The following ADIG variants were observed in gnomAD, a reference collection of about 807,000 sequenced individuals.
ADIG encodes adipogenin, also known as adipogenesis associated.
ADIG carries 12 observed loss-of-function variants against 10.7 expected under a neutral mutation model. That is an observed-to-expected ratio of 1.12 (90% CI 0.72 to 1.82). The LOEUF (loss-of-function observed/expected upper bound fraction) is 1.82, where lower values mean the gene tolerates loss of function less well. Among genes scored for constraint, ADIG ranks in the 40% most tolerant of loss-of-function variants. The pLI is 0.00. For synonymous variants in ADIG, 32 were observed against 35.6 expected, an observed-to-expected ratio of 0.90 and a Z score of 0.36; for missense variants, 72 against 92.5, an observed-to-expected ratio of 0.78 and a Z score of 0.91.
intron 2 of ADIG, among the ~76,000 whole-genome samples, chr20:38,586,909 G>A (rs1005029666): frequency 4.6e-5 from 7 of 152,012 alleles, no homozygotes; most frequent in Non-Finnish European, 1.5e-5. Context: ...ATCAGATGCT[G>A]TACCCAAAGG....
intron 2 of ADIG, among the ~76,000 whole-genome samples, chr20:38,587,564 G>A (rs1303614566): frequency 6.6e-6 from 1 of 152,016 alleles, no homozygotes; most frequent in African/African-American, 2.4e-5. Flanking sequence ...TTGAACAAGG[G>A]GCCCCACGTG....
intron 1 of ADIG, 45 bp from the exon 2 acceptor site, chr20:38,585,984 G>A (rs2088632508): frequency 6.5e-7 from 1 of 1,534,028 alleles, no homozygotes; most frequent in African/African-American, 1.4e-5. Flanking sequence ...AGGGGTAGGA[G>A]ACAGGATGTG....
chr20:38,585,942 C>A, intron 1 of ADIG, 87 bp from the exon 2 acceptor site: 1 of 1,352,634 alleles, frequency 7.4e-7, no homozygotes, highest in Non-Finnish European at 1.0e-6. Context: ...TGCAGGGATA[C>A]CCAGGCCTGG....
intron 1 of ADIG, 92 bp downstream of exon 1, chr20:38,581,466 G>A: frequency 1.3e-6 from 2 of 1,552,404 alleles, no homozygotes; most frequent in Non-Finnish European, 1.8e-6. Context: ...ACTGCAGAAG[G>A]GGCTTCCTTC....
Position 38,588,294 on chromosome 20 carries a change from G to T in ADIG, c.*208G>T. 3 of 1,304,222 alleles carry T rather than the reference G, an allele frequency of 2.3e-6. No homozygotes were observed. Among genetic ancestry groups the T allele is most frequent in the South Asian group, 2.5e-5 (2 of 81,018 alleles). The allele number at this position is 1,304,222 out of a possible 1,614,324, so 80.8% of individuals were successfully genotyped here. A position where few individuals can be genotyped will look rare whatever the true frequency, so the allele number is the denominator to read the frequency against. On this transcript the variant is annotated 3_prime_UTR_variant, in exon 3 of 3. Coordinates refer to ENST00000537425, the MANE Select transcript of ADIG (RefSeq NM_001393816.1). Reference sequence around the variant, plus strand: ...AGCATCACAGATGACCTCCAGCCCTGCAGGGAGCCGCTCAAGTCTGGGAGG... The same window carrying T: ...AGCATCACAGATGACCTCCAGCCCTTCAGGGAGCCGCTCAAGTCTGGGAGG...
Position 38,588,444 on chromosome 20 carries a change from G to A in ADIG, c.*358G>A. 8.3e-7 allele frequency: 1 copy of A among 1,210,584 alleles called. No individual in the cohort carries two copies. Among genetic ancestry groups the A allele is most frequent in the South Asian group, 1.5e-5 (1 of 65,098 alleles). The allele number at this position is 1,210,584 out of a possible 1,614,324, so 75.0% of individuals were successfully genotyped here. A position where few individuals can be genotyped will look rare whatever the true frequency, so the allele number is the denominator to read the frequency against. ...AGAAGCAAGGGTCTTCCCATACCCG[G>A]GGGACCCCTGACAAACCTACCAGGC... On this transcript the variant is annotated 3_prime_UTR_variant, in exon 3 of 3. Coordinates refer to ENST00000537425, the MANE Select transcript of ADIG (RefSeq NM_001393816.1).
intron 1 of ADIG, chr20:38,585,576 G>A (rs536981472): frequency 3.4e-5 from 51 of 1,503,080 alleles, no homozygotes; most frequent in Admixed American, 2.4e-4. Context: ...ATCTGTGGAC[G>A]TGGACACAGT....
Position 38,582,779 on chromosome 20 carries a change from G to C in ADIG, c.124+1405G>C, listed in dbSNP as rs149298641. 2.6e-3 allele frequency among the ~76,000 whole-genome samples: 403 copies of C among 152,108 alleles called. 1 individual carries two copies. Among genetic ancestry groups the C allele is most frequent in the African/African-American group, 9.3e-3 (384 of 41,494 alleles). On this transcript the variant is annotated intron_variant, in intron 1 of 2. Coordinates refer to ENST00000537425, the MANE Select transcript of ADIG (RefSeq NM_001393816.1). ...TACTGGCGATAAAAGTTGTCTCTCT[G>C]GAGTCTGGAAGATATGAGTTCAGAT...
intron 1 of ADIG, among the ~76,000 whole-genome samples, chr20:38,583,846 T>C (rs2088609304): frequency 1.3e-5 from 2 of 152,196 alleles, no homozygotes; most frequent in Non-Finnish European, 2.9e-5. Flanking sequence ...GAAACCGTCC[T>C]TAAAGTGAGG....
intron 1 of ADIG, among the ~76,000 whole-genome samples, chr20:38,584,650 T>C (rs186459169): frequency 1.3e-5 from 2 of 152,304 alleles, no homozygotes; most frequent in East Asian, 3.9e-4. Context: ...GTACAAAAAA[T>C]ACTAGTAATT....
At chr20:38,584,864 G>A (rs547739047) in intron 1 of ADIG, among the ~76,000 whole-genome samples, 54 of 151,852 alleles carry the variant, frequency 3.6e-4, no homozygotes, top group Admixed American at 1.4e-3. Context: ...TGCAACCTCC[G>A]ACTCCCTGGT....
rs956936893 is a variant in ADIG at position 38,581,698 on chromosome 20, T to G, written c.124+324T>G. ...GATCTTTTGAACAAATCAGAGGTTA[T>G]CGCTCCAGGCAGATGAACTTCCAGG... On this transcript the variant is annotated intron_variant, in intron 1 of 2. Coordinates refer to ENST00000537425, the MANE Select transcript of ADIG (RefSeq NM_001393816.1). Among the ~76,000 whole-genome samples, 11 of 152,202 alleles carry G rather than the reference T, an allele frequency of 7.2e-5. 1 individual carries two copies. The highest frequency in any genetic ancestry group is 2.4e-4 in the African/African-American group (10 of 41,450).
chr20:38,585,054 C>T (rs572691249), intron 1 of ADIG, among the ~76,000 whole-genome samples: 1 of 152,306 alleles, frequency 6.6e-6, no homozygotes, highest in African/African-American at 2.4e-5. Context: ...GGATTACAGG[C>T]GTGAGCCACT....
At position 38,588,181 on chromosome 20, in the gene ADIG, T is replaced by A; in HGVS notation, c.*95T>A. On this transcript the variant is annotated 3_prime_UTR_variant, in exon 3 of 3. Transcript: ENST00000537425. ...ACTTGCCAGGGAGGCAAGAGGACTT[T>A]GGCAACTGTGGTGCCTCCCTGGAAC... is the stretch of plus-strand genomic sequence containing the variant. The A allele has an allele frequency of 7.7e-7, 1 of 1,304,822 alleles. No homozygotes were observed. The highest frequency in any genetic ancestry group is 1.0e-6 in the Non-Finnish European group (1 of 988,940). The allele number at this position is 1,304,822 out of a possible 1,614,324, so 80.8% of individuals were successfully genotyped here.
In ADIG at chr20:38,588,329, C is replaced by T. The variant is rs1161116708; in HGVS notation, c.*243C>T. 2.3e-6 allele frequency: 3 copies of T among 1,303,794 alleles called. No individual in the cohort carries two copies. In the South Asian group the frequency reaches 3.7e-5, roughly 16 times the overall value. The allele number at this position is 1,303,794 out of a possible 1,614,324, so 80.8% of individuals were successfully genotyped here. On this transcript the variant is annotated 3_prime_UTR_variant, in exon 3 of 3. Transcript: ENST00000537425. ...GCTCAAGTCTGGGAGGGCATGGGAG[C>T]AGTGAGCAGGCCCATGGGGAGAAAT...
intron 1 of ADIG, 150 bp downstream of exon 1, chr20:38,581,524 G>A: frequency 1.6e-6 from 2 of 1,235,560 alleles, no homozygotes; most frequent in South Asian, 1.5e-5. Flanking sequence ...CTCTTAAGTG[G>A]AAAGGATTGG....
At chr20:38,586,549 T>C (rs1011454823) in intron 2 of ADIG, among the ~76,000 whole-genome samples, 8 of 152,252 alleles carry the variant, frequency 5.3e-5, no homozygotes, top group Middle Eastern at 3.4e-3. Context: ...CTATTCGATA[T>C]TGAAGCCCCC....
intron 1 of ADIG, among the ~76,000 whole-genome samples, chr20:38,583,647 TC>T (rs1216564093): frequency 6.6e-6 from 1 of 152,114 alleles, no homozygotes; most frequent in Non-Finnish European, 1.5e-5. Context: ...AGGAGACATT[TC>T]TCCTACCACC....
chr20:38,582,625 T>TTTTGTTTCTAGAAAGTG (rs2088599276), intron 1 of ADIG, among the ~76,000 whole-genome samples: 1 of 152,174 alleles, frequency 6.6e-6, no homozygotes, highest in Non-Finnish European at 1.5e-5. Context: ...TGGGATGTCC[T>TTTTGTTTCTAGAAAGTG]TTTGTTTCTA....
Sources: allele counts gnomAD v4.1 joint callset (sites outside exome capture counted in the v4.1 genomes callset), GRCh38; gene constraint gnomAD v4.1.1; transcripts MANE v1.5; gene names NCBI Gene and HGNC (gene_info 2026-07-23, HGNC 2026-07-21).